The following SUSD1 variants were observed in gnomAD, a reference collection of about 807,000 sequenced individuals.
SUSD1 encodes the protein sushi domain-containing protein 1.
A neutral mutation model predicts 86.9 loss-of-function variants in SUSD1; 65 were observed. That is an observed-to-expected ratio of 0.75 (90% CI 0.61 to 0.92). The LOEUF is 0.92. SUSD1 is among the 40% of genes least tolerant of loss of function. The probability of loss-of-function intolerance (pLI) is 0.00; values close to 1 mark genes in which losing one functional copy is unlikely to be tolerated. For missense variants in SUSD1, 850 were observed against 929.7 expected, an observed-to-expected ratio of 0.91 and a Z score of 1.11; for synonymous variants, 346 against 350.0, an observed-to-expected ratio of 0.99 and a Z score of 0.13.
intron 5 of SUSD1, among the ~76,000 whole-genome samples, chr9:112,127,174 C>T (rs1831810303): frequency 6.6e-6 from 1 of 152,146 alleles, no homozygotes; most frequent in African/African-American, 2.4e-5. Flanking sequence ...GAGTTTGAGA[C>T]CAGCCTGGCC....
At position 112,070,729 on chromosome 9, in the gene SUSD1, A is replaced by AC. The variant is rs1829231694; in HGVS notation, c.1754-7697_1754-7696insG. On this transcript the variant is annotated intron_variant, in intron 12 of 16. Transcript: ENST00000374270. Reference sequence around the variant, plus strand: ...GAAGGAGAATTTGCTCTGCAAAAAAAAATATTAAATGTATCATAAAATTAC... The same window carrying AC: ...GAAGGAGAATTTGCTCTGCAAAAAAACAATATTAAATGTATCATAAAATTAC... Among the ~76,000 whole-genome samples the AC allele has an allele frequency of 2.0e-5, 3 of 152,272 alleles. No individual in the cohort carries two copies. In the South Asian group the frequency reaches 6.2e-4, roughly 32 times the overall value.
intron 14 of SUSD1, among the ~76,000 whole-genome samples, chr9:112,057,221 C>T (rs1463146800): frequency 6.6e-6 from 1 of 152,220 alleles, no homozygotes; most frequent in African/African-American, 2.4e-5. Context: ...ACTGAATCAG[C>T]TGGCACCTTG....
At chr9:112,045,658 T>G (rs1447030687) in intron 15 of SUSD1, among the ~76,000 whole-genome samples, 1 of 152,242 alleles carries the variant, frequency 6.6e-6, no homozygotes, top group African/African-American at 2.4e-5. Context: ...TTGAAGACCT[T>G]GCTTTGCCTT....
In SUSD1 at chr9:112,170,710, T is replaced by TATATAGAG. The variant is rs758442726; in HGVS notation, c.103+4422_103+4423insCTCTATAT. The stretch of plus-strand genomic sequence containing the variant: ...GCCAGATCATATATATATATATATA[T>TATATAGAG]AGAGAGAGAGAGAGAGAGAGAGAGA... On this transcript the variant is annotated intron_variant, in intron 1 of 16. Transcript: ENST00000374270. 7.5e-4 allele frequency among the ~76,000 whole-genome samples: 85 copies of TATATAGAG among 113,808 alleles called. 1 individual carries two copies. Among genetic ancestry groups the TATATAGAG allele is most frequent in the African/African-American group, 2.5e-3 (67 of 26,314 alleles). The allele number at this position is 113,808 out of a possible 152,430, so 74.7% of individuals were successfully genotyped here. A position where few individuals can be genotyped will look rare whatever the true frequency, so the allele number is the denominator to read the frequency against.
chr9:112,173,674 T>C, intron 1 of SUSD1: 1 of 448,156 alleles, frequency 2.2e-6, no homozygotes, highest in South Asian at 1.7e-5. Flanking sequence ...CGAGCACGTT[T>C]CCCAAGCTTG....
intron 10 of SUSD1, among the ~76,000 whole-genome samples, chr9:112,093,307 C>A (rs1288528054): frequency 6.6e-6 from 1 of 152,124 alleles, no homozygotes; most frequent in East Asian, 1.9e-4. Context: ...TTACAGGTTG[C>A]CACCCAAACA....
rs916383075 is a variant in SUSD1, at chr9:112,041,591, G to A, written c.*-99C>T. 2.0e-5 allele frequency: 15 copies of A among 763,520 alleles called. No homozygotes were observed. The African/African-American group carries it at 2.5e-4, about 13-fold the overall frequency. 47.3% of individuals were successfully genotyped at this position (763,520 alleles called of 1,614,324 possible). A position where few individuals can be genotyped will look rare whatever the true frequency, so the allele number is the denominator to read the frequency against. ...ACAGCTCACACGCACACCCATGGGA[G>A]GAGGCGAGGGGGAGCAGCATGGAAG... On this transcript the variant is annotated intron_variant, in intron 16 of 16. Transcript: ENST00000374270.
intron 2 of SUSD1, 26 bp from the exon 3 acceptor site, chr9:112,149,425 G>GAC (rs1391881414): frequency 6.2e-7 from 1 of 1,610,402 alleles, no homozygotes; most frequent in African/African-American, 1.3e-5. Context: ...CAAGGCACCG[G>GAC]AAGAGCTATC....
At chr9:112,089,510 G>A (rs1209692478) in intron 10 of SUSD1, among the ~76,000 whole-genome samples, 1 of 152,008 alleles carries the variant, frequency 6.6e-6, no homozygotes, top group Non-Finnish European at 1.5e-5. Context: ...GTATAAGAAA[G>A]GATATAATAG....
intron 3 of SUSD1, among the ~76,000 whole-genome samples, chr9:112,144,820 T>G (rs1336997900): frequency 1.3e-5 from 2 of 150,730 alleles, no homozygotes; most frequent in Non-Finnish European, 3.0e-5. Flanking sequence ...CAGATTTTTT[T>G]GCACCTGACT....
intron 2 of SUSD1, among the ~76,000 whole-genome samples, chr9:112,150,325 G>A (rs942697318): frequency 1.0e-4 from 14 of 139,664 alleles, no homozygotes; most frequent in Non-Finnish European, 1.3e-4. Context: ...CATCCTTTTA[G>A]AGCTGATCTA....
chr9:112,069,442 A>C (rs1248993910), intron 12 of SUSD1, among the ~76,000 whole-genome samples: 4 of 152,126 alleles, frequency 2.6e-5, no homozygotes, highest in Non-Finnish European at 5.9e-5. Context: ...AGAAGACAAC[A>C]GCTGGATTCC....
chr9:112,126,571 G>A (rs1831783531), intron 5 of SUSD1, among the ~76,000 whole-genome samples: 1 of 152,182 alleles, frequency 6.6e-6, no homozygotes, highest in Non-Finnish European at 1.5e-5. Flanking sequence ...CTGTGGCTCT[G>A]TGAGTTCCCC....
At chr9:112,159,901 A>AT (rs1400774113) in intron 1 of SUSD1, among the ~76,000 whole-genome samples, 7 of 152,240 alleles carry the variant, frequency 4.6e-5, no homozygotes, top group African/African-American at 1.7e-4. Context: ...GGTTTTTCTC[A>AT]TTTTTGAGTT....
At chr9:112,056,672 A>G (rs193287273) in intron 14 of SUSD1, among the ~76,000 whole-genome samples, 112 of 152,218 alleles carry the variant, frequency 7.4e-4, no homozygotes, top group East Asian at 3.5e-3. Context: ...GAGAGTATCA[A>G]TGACATCACA....
intron 5 of SUSD1, among the ~76,000 whole-genome samples, chr9:112,127,232 C>T (rs1467852094): frequency 6.6e-6 from 1 of 152,178 alleles, no homozygotes; most frequent in South Asian, 2.1e-4. Flanking sequence ...ATTACCCGGG[C>T]GTGGTGGCAC....
At chr9:112,095,095 GGAA>G (rs1285605134) in intron 10 of SUSD1, among the ~76,000 whole-genome samples, 1 of 152,166 alleles carries the variant, frequency 6.6e-6, no homozygotes, top group African/African-American at 2.4e-5. Context: ...AATGAAAGTG[GGAA>G]GAAGGTATTT....
intron 7 of SUSD1, chr9:112,112,099 C>T: frequency 2.9e-6 from 1 of 349,398 alleles, no homozygotes; most frequent in Non-Finnish European, 5.2e-6. Flanking sequence ...CAATTGCAAC[C>T]TGAGGACCAT....
intron 2 of SUSD1, among the ~76,000 whole-genome samples, chr9:112,155,689 C>T (rs1029393401): frequency 1.2e-4 from 18 of 151,540 alleles, no homozygotes; most frequent in East Asian, 3.9e-4. Context: ...TGGCCAGGTG[C>T]GGTGGCTCAT....
Sources: allele counts gnomAD v4.1 joint callset (sites outside exome capture counted in the v4.1 genomes callset), GRCh38; gene constraint gnomAD v4.1.1; transcripts MANE v1.5; gene names NCBI Gene and HGNC (gene_info 2026-07-23, HGNC 2026-07-21).